The following NTRK2 variants were observed in gnomAD, a reference collection of about 807,000 sequenced individuals.
The protein encoded by NTRK2 is BDNF/NT-3 growth factors receptor.
In NTRK2, 13 loss-of-function variants were observed where a neutral mutation model predicts 94.5. That is an observed-to-expected ratio of 0.14 (90% CI 0.09 to 0.22). The LOEUF (loss-of-function observed/expected upper bound fraction) is 0.22. NTRK2 is among the 10% of genes least tolerant of loss of function. The pLI, the probability that NTRK2 is intolerant of heterozygous loss-of-function variation, is 1.00. For missense variants in NTRK2, 639 were observed against 1,071.2 expected, an observed-to-expected ratio of 0.60 and a Z score of 5.63; for synonymous variants, 372 against 407.4, an observed-to-expected ratio of 0.91 and a Z score of 1.05.
chr9:84,925,999 G>C (rs2077751498), intron 14 of NTRK2, among the ~76,000 whole-genome samples: 1 of 152,114 alleles, frequency 6.6e-6, no homozygotes, highest in African/African-American at 2.4e-5. Context: ...GCACAGAGAA[G>C]GAAGTCATAT....
At chr9:84,889,587 A>G (rs1340853956) in intron 14 of NTRK2, among the ~76,000 whole-genome samples, 1 of 151,876 alleles carries the variant, frequency 6.6e-6, no homozygotes, top group African/African-American at 2.4e-5. Context: ...TCATTTTTGC[A>G]TTTTTAGTAG....
chr9:84,787,925 T>A (rs940394762), intron 12 of NTRK2, among the ~76,000 whole-genome samples: 1 of 152,190 alleles, frequency 6.6e-6, no homozygotes, highest in African/African-American at 2.4e-5. Flanking sequence ...ATCTGTGGCC[T>A]TGGTCATGTT....
chr9:84,966,373 C>A (rs565286810), intron 17 of NTRK2, among the ~76,000 whole-genome samples: 113 of 152,264 alleles, frequency 7.4e-4, no homozygotes, highest in African/African-American at 2.4e-3. Context: ...AATTTATATT[C>A]TTCACAAGCT....
intron 14 of NTRK2, among the ~76,000 whole-genome samples, chr9:84,878,633 A>T (rs895853115): frequency 9.1e-5 from 13 of 142,186 alleles, no homozygotes; most frequent in Non-Finnish European, 1.8e-4. Flanking sequence ...ACTATGTCTA[A>T]AAAAAAAAAA....
Position 84,670,726 on chromosome 9 carries a change from C to T in NTRK2, c.-23C>T, listed in dbSNP as rs1307376678. 2.5e-6 allele frequency: 4 copies of T among 1,609,726 alleles called. No individual in the cohort carries two copies. The highest frequency in any genetic ancestry group is 2.2e-5 in the East Asian group (1 of 44,864). ...CCGGTGCAGCGCGGGGACAGGCACT[C>T]GGGCTGGCACTGGCTGCTAGGGATG... On this transcript the variant is annotated 5_prime_UTR_variant, in exon 2 of 19. Transcript: ENST00000277120.
chr9:84,793,357 G>A (rs532180698), intron 12 of NTRK2, among the ~76,000 whole-genome samples: 1 of 152,216 alleles, frequency 6.6e-6, no homozygotes, highest in African/African-American at 2.4e-5. Context: ...GAGAATCTAA[G>A]TAGAGGATTT....
At chr9:84,924,078 G>T (rs1164727214) in intron 14 of NTRK2, among the ~76,000 whole-genome samples, 2 of 152,010 alleles carry the variant, frequency 1.3e-5, no homozygotes, top group Admixed American at 6.6e-5. Flanking sequence ...CTGGCGTGGT[G>T]GCACGCATCT....
chr9:84,675,296 TTTCTC>T (rs1006185923), intron 2 of NTRK2, among the ~76,000 whole-genome samples: 7 of 150,332 alleles, frequency 4.7e-5, no homozygotes, highest in Non-Finnish European at 8.9e-5. Context: ...TTGAATTTCT[TTTCTC>T]TTCTCCTTTC....
chr9:84,833,086 G>A (rs992818940), intron 12 of NTRK2, among the ~76,000 whole-genome samples: 2 of 114,674 alleles, frequency 1.7e-5, no homozygotes, highest in Non-Finnish European at 1.7e-5. Flanking sequence ...ATATTCTTGG[G>A]CCTCATTGGT....
In NTRK2 at chr9:84,867,438, A is replaced by G. The variant is rs367882845; in HGVS notation, c.1633+7A>G. 2.5e-6 allele frequency: 4 copies of G among 1,610,866 alleles called. No individual in the cohort carries two copies. In the African/African-American group the frequency reaches 5.3e-5, roughly 22 times the overall value. Reference sequence around the variant, plus strand: ...CAGCTCAAGCCAGACACATGTAAGTACAGCTGTTTGTACTTATTGTCCCAT... The same window carrying G: ...CAGCTCAAGCCAGACACATGTAAGTGCAGCTGTTTGTACTTATTGTCCCAT... On this transcript the variant is annotated splice_region_variant and intron_variant, in intron 14 of 18. Transcript: ENST00000277120.
intron 14 of NTRK2, among the ~76,000 whole-genome samples, chr9:84,882,790 C>T (rs562559159): frequency 1.1e-4 from 16 of 152,012 alleles, no homozygotes; most frequent in African/African-American, 3.6e-4. Flanking sequence ...TTTTCCGAGT[C>T]GGAGTTTTCG....
chr9:84,781,924 T>A (rs2067609972), intron 12 of NTRK2, among the ~76,000 whole-genome samples: 1 of 152,124 alleles, frequency 6.6e-6, no homozygotes, highest in African/African-American at 2.4e-5. Flanking sequence ...TCAAGGCTCT[T>A]CGTAACGATT....
At chr9:84,985,308 T>A (rs943298435) in intron 17 of NTRK2, among the ~76,000 whole-genome samples, 1 of 152,196 alleles carries the variant, frequency 6.6e-6, no homozygotes, top group African/African-American at 2.4e-5. Flanking sequence ...CCTATGTGGT[T>A]GATGTGACTA....
At chr9:84,883,240 C>A (rs947039266) in intron 14 of NTRK2, among the ~76,000 whole-genome samples, 22 of 152,162 alleles carry the variant, frequency 1.4e-4, no homozygotes, top group African/African-American at 4.6e-4. Context: ...GTGGAAGGTT[C>A]TCATCCAGAA....
intron 16 of NTRK2, among the ~76,000 whole-genome samples, chr9:84,950,693 T>G (rs2078750671): frequency 6.6e-6 from 1 of 152,246 alleles, no homozygotes; most frequent in African/African-American, 2.4e-5. Context: ...TGTTAAAGGC[T>G]GTTCACCTGC....
chr9:85,021,356 G>A lies in NTRK2; in HGVS notation c.2436G>A (p.Met812Ile), dbSNP rs758574086. ...MLGCWQREPH[M>I]RKNIKGIHTL... ...GGTGCTGGCAGCGAGAGCCCCACAT[G>A]AGGAAGAACATCAAGGGCATCCATA... is the stretch of plus-strand genomic sequence containing the variant. The change falls in exon 19 of 19, where the codon ATG becomes ATA. Residue 812 changes from methionine (M) to isoleucine (I), a missense_variant. Physicochemically the swap from Met to Ile is conservative, Grantham distance 10 (BLOSUM62 1). Transcript: ENST00000277120. 6.2e-7 allele frequency: 1 copy of A among 1,614,184 alleles called. No individual in the cohort carries two copies. The highest frequency in any genetic ancestry group is 8.5e-7 in the Non-Finnish European group (1 of 1,180,022).
intron 12 of NTRK2, among the ~76,000 whole-genome samples, chr9:84,764,135 G>C (rs1477435317): frequency 2.0e-5 from 3 of 152,280 alleles, no homozygotes; most frequent in African/African-American, 7.2e-5. Context: ...CATTGTGTCA[G>C]GTTGTTACAC....
chr9:84,811,900 G>C (rs201342454), intron 12 of NTRK2: 214 of 1,062,804 alleles, frequency 2.0e-4, no homozygotes, highest in Middle Eastern at 1.2e-3. Context: ...GAGAGGTTTG[G>C]CTATCCCCAC....
chr9:84,909,586 T>G (rs1029467377), intron 14 of NTRK2, among the ~76,000 whole-genome samples: 2 of 152,126 alleles, frequency 1.3e-5, no homozygotes, highest in East Asian at 1.9e-4. Context: ...ACATCCTCAC[T>G]GTCATTTGGT....
Sources: gnomAD v4.1 joint callset for allele counts (sites outside exome capture counted in the v4.1 genomes callset) on GRCh38, gnomAD v4.1.1 for gene constraint, MANE v1.5 for transcripts, NCBI Gene and HGNC (gene_info 2026-07-23, HGNC 2026-07-21) for gene names.